Variants in TBC1D32 observed in about 807,000 individuals in gnomAD.
The protein encoded by TBC1D32 is TBC1 domain family member 32.
In TBC1D32, 151 loss-of-function variants were observed where a neutral mutation model predicts 170.3. The ratio of observed to expected loss-of-function variants is 0.89; its 90% CI spans 0.78 to 1.01. The LOEUF is 1.01. TBC1D32 is among the 50% of genes least tolerant of loss of function. TBC1D32 has a pLI of 0.00. For synonymous variants in TBC1D32, 498 were observed against 488.0 expected (o/e 1.02, Z -0.27); for missense variants, 1,464 against 1,457.1 (o/e 1.00, Z -0.08).
intron 22 of TBC1D32, among the ~76,000 whole-genome samples, chr6:121,195,273 AT>A (rs1400341392): frequency 1.3e-5 from 2 of 152,220 alleles, no homozygotes; most frequent in African/African-American, 4.8e-5. Flanking sequence ...GGCTTAAGAT[AT>A]CTGTTACAGA....
intron 5 of TBC1D32, among the ~76,000 whole-genome samples, chr6:121,305,653 G>T (rs1284625939): frequency 1.3e-5 from 2 of 151,972 alleles, no homozygotes. Flanking sequence ...CTGAACAAAG[G>T]ATATTAAATA....
intron 9 of TBC1D32, among the ~76,000 whole-genome samples, chr6:121,302,839 G>A (rs997115185): frequency 3.9e-5 from 6 of 152,112 alleles, no homozygotes; most frequent in African/African-American, 1.4e-4. Context: ...AGACAGAATT[G>A]TGTTCTGGTT....
intron 3 of TBC1D32, among the ~76,000 whole-genome samples, chr6:121,313,105 GGTGTGTGTGTGTGTGTGT>G (rs71018125): frequency 0.1 from 11,244 of 111,228 alleles, 673 homozygotes; most frequent in South Asian, 0.15. Flanking sequence ...AAGCTAAGGT[GGTGTGTGTGTGTGTGTGT>G]GTGTGTGTGT....
intron 20 of TBC1D32, among the ~76,000 whole-genome samples, chr6:121,234,298 C>T (rs1459688304): frequency 6.6e-6 from 1 of 152,144 alleles, no homozygotes; most frequent in East Asian, 1.9e-4. Context: ...ATTATTACCT[C>T]AAATATGTTT....
Position 121,239,132 on chromosome 6 carries a change from C to T in TBC1D32, c.2302G>A (p.Asp768Asn), listed in dbSNP as rs763304267. Residue 768 changes from aspartate to asparagine, a missense_variant, in exon 20 of 32, where the codon GAT becomes AAT. This residue lies in a region of TBC1D32 where 1,363 missense variants were observed against 1,338.1 expected (regional missense o/e 1.02). Coordinates refer to ENST00000398212, the MANE Select transcript of TBC1D32 (RefSeq NM_152730.6). The stretch of plus-strand genomic sequence containing the variant: ...GTTCTGGGATGGGTTACCCTAACAT[C>T]ATCTCTTCCATATTCCAGATTGGAC... ...LWSNLEYGRDDVRVTHPRTTP... is the reference protein window; with the variant it reads ...LWSNLEYGRDNVRVTHPRTTP... 2.6e-5 allele frequency: 42 copies of T among 1,605,546 alleles called. No homozygotes were observed. The highest frequency in any genetic ancestry group is 3.6e-5 in the Non-Finnish European group (42 of 1,174,178).
intron 19 of TBC1D32, 25 bp from the exon 20 acceptor site, chr6:121,239,213 C>T (rs768475807): frequency 7.7e-7 from 1 of 1,302,976 alleles, no homozygotes; most frequent in Non-Finnish European, 1.1e-6. Flanking sequence ...TACTTCAAGT[C>T]ATTTATAGCA....
intron 25 of TBC1D32, among the ~76,000 whole-genome samples, chr6:121,129,165 G>A (rs1344319713): frequency 6.6e-6 from 1 of 152,132 alleles, no homozygotes; most frequent in East Asian, 1.9e-4. Context: ...GCAGCCTGAA[G>A]AAACTAAGAT....
intron 20 of TBC1D32, among the ~76,000 whole-genome samples, chr6:121,223,625 T>G (rs752100280): frequency 2.5e-4 from 38 of 152,162 alleles, no homozygotes; most frequent in Non-Finnish European, 4.0e-4. Context: ...TCTTAAAAGT[T>G]TGGTTCTGAC....
At chr6:121,198,260 AAT>A (rs1186060080) in intron 22 of TBC1D32, among the ~76,000 whole-genome samples, 2 of 139,692 alleles carry the variant, frequency 1.4e-5, no homozygotes, top group East Asian at 2.0e-4. Context: ...ATATATATAT[AAT>A]ATATATATAT....
At position 121,122,557 on chromosome 6, in the gene TBC1D32, A is replaced by G. The variant is rs192662386; in HGVS notation, c.2983+3821T>C. On this transcript the variant is annotated intron_variant, in intron 26 of 31. Coordinates refer to ENST00000398212, the MANE Select transcript of TBC1D32 (RefSeq NM_152730.6). ...TGCACATCCCCTGCTGAAGTGTGGT[A>G]AAAAAAAAAGAAAAATGCATCATCA... Among the ~76,000 whole-genome samples the G allele has an allele frequency of 9.6e-3, 1,159 of 121,258 alleles. 6 individuals are homozygous for G. Among genetic ancestry groups the G allele is most frequent in the Non-Finnish European group, 0.015 (917 of 61,294 alleles). The allele number at this position is 121,258 out of a possible 152,430, so 79.5% of individuals were successfully genotyped here. A position where few individuals can be genotyped will look rare whatever the true frequency, so the allele number is the denominator to read the frequency against.
chr6:121,302,245 G>A (rs534498274), intron 9 of TBC1D32, among the ~76,000 whole-genome samples: 6 of 152,154 alleles, frequency 3.9e-5, no homozygotes, highest in African/African-American at 1.4e-4. Context: ...TACCTATTAT[G>A]TATAGATGCT....
At chr6:121,135,245 A>G (rs1781922572) in intron 24 of TBC1D32, among the ~76,000 whole-genome samples, 2 of 152,188 alleles carry the variant, frequency 1.3e-5, no homozygotes, top group East Asian at 1.9e-4. Flanking sequence ...AGTGACTGTG[A>G]GTGTAATATG....
intron 15 of TBC1D32, among the ~76,000 whole-genome samples, chr6:121,277,389 G>A (rs547776551): frequency 6.7e-6 from 1 of 150,236 alleles, no homozygotes; most frequent in African/African-American, 2.5e-5. Flanking sequence ...TTGGGAGGTT[G>A]AGGCACTAGA....
rs116227762 is a variant in TBC1D32 at position 121,227,548 on chromosome 6, T to C, written c.2365-4196A>G. On this transcript the variant is annotated intron_variant, in intron 20 of 31. Coordinates refer to ENST00000398212, the MANE Select transcript of TBC1D32 (RefSeq NM_152730.6). ...AATGTATATGAAATTTAGTAAAATG[T>C]TTCTACATATGTTGAAATAATATTA... 7.6e-3 allele frequency among the ~76,000 whole-genome samples: 1,153 copies of C among 152,132 alleles called. 18 individuals are homozygous for C. Among genetic ancestry groups the C allele is most frequent in the African/African-American group, 0.027 (1,105 of 41,524 alleles).
chr6:121,284,996 A>T (rs1803571460), intron 12 of TBC1D32, among the ~76,000 whole-genome samples: 1 of 152,164 alleles, frequency 6.6e-6, no homozygotes, highest in African/African-American at 2.4e-5. Flanking sequence ...GCTCACAATC[A>T]ATGAGAAGAA....
intron 30 of TBC1D32, among the ~76,000 whole-genome samples, chr6:121,094,845 A>G (rs1486706251): frequency 6.6e-6 from 1 of 152,166 alleles, no homozygotes; most frequent in Non-Finnish European, 1.5e-5. Flanking sequence ...GAATACTATA[A>G]TAACATATTT....
At chr6:121,264,930 A>C (rs970227437) in intron 15 of TBC1D32, among the ~76,000 whole-genome samples, 4 of 152,208 alleles carry the variant, frequency 2.6e-5, no homozygotes, top group Admixed American at 1.3e-4. Context: ...AATAAGAGCT[A>C]TTTATGACAA....
At chr6:121,230,245 T>C (rs1255007826) in intron 20 of TBC1D32, among the ~76,000 whole-genome samples, 1 of 152,182 alleles carries the variant, frequency 6.6e-6, no homozygotes, top group African/African-American at 2.4e-5. Context: ...TACTATTTAA[T>C]AGTTTTGCTT....
At chr6:121,181,094 T>G (rs937026514) in intron 22 of TBC1D32, among the ~76,000 whole-genome samples, 1 of 152,058 alleles carries the variant, frequency 6.6e-6, no homozygotes, top group African/African-American at 2.4e-5. Flanking sequence ...AAATAACAAG[T>G]GCTGGTGAGG....
Sources: gnomAD v4.1 joint callset for allele counts (sites outside exome capture counted in the v4.1 genomes callset) on GRCh38, gnomAD v4.1.1 for gene constraint, gnomAD v4.1.1 regional missense constraint, MANE v1.5 for transcripts, NCBI Gene and HGNC (gene_info 2026-07-23, HGNC 2026-07-21) for gene names.